The following ATF2 variants were observed in gnomAD, a reference collection of about 807,000 sequenced individuals.
ATF2 encodes cyclic AMP-dependent transcription factor ATF-2.
Under a neutral mutation model 60.6 loss-of-function variants are expected in ATF2, and 24 were observed. The ratio of observed to expected loss-of-function variants is 0.40; its 90% CI spans 0.29 to 0.56. The LOEUF is 0.56. ATF2 is among the 20% of genes least tolerant of loss of function. The probability of loss-of-function intolerance (pLI) is 0.54; values close to 1 mark genes in which losing one functional copy is unlikely to be tolerated. For synonymous variants in ATF2, 206 were observed against 215.4 expected (o/e 0.96, Z 0.38); for missense variants, 433 against 607.7 (o/e 0.71, Z 3.02).
intron 2 of ATF2, among the ~76,000 whole-genome samples, chr2:175,147,735 C>A (rs1191650294): frequency 6.6e-6 from 1 of 152,006 alleles, no homozygotes; most frequent in Non-Finnish European, 1.5e-5. Flanking sequence ...ATAGTCCCTG[C>A]CCTTAAAATC....
intron 12 of ATF2, among the ~76,000 whole-genome samples, chr2:175,084,971 G>C (rs1381360468): frequency 6.6e-6 from 1 of 152,074 alleles, no homozygotes; most frequent in Non-Finnish European, 1.5e-5. Context: ...AAATGAAAAA[G>C]CTTAAATAAT....
intron 12 of ATF2, among the ~76,000 whole-genome samples, chr2:175,089,809 A>G (rs1324415515): frequency 6.6e-6 from 1 of 152,090 alleles, no homozygotes; most frequent in Non-Finnish European, 1.5e-5. Flanking sequence ...TTCCCAAACC[A>G]TCCATGCTCT....
At chr2:175,143,499 G>A (rs1698740045) in intron 2 of ATF2, among the ~76,000 whole-genome samples, 1 of 152,026 alleles carries the variant, frequency 6.6e-6, no homozygotes, top group African/African-American at 2.4e-5. Flanking sequence ...AATTCCACAA[G>A]ATGAACTTCT....
chr2:175,112,655 G>GCTAA (rs1345653597), intron 9 of ATF2, among the ~76,000 whole-genome samples: 9 of 152,150 alleles, frequency 5.9e-5, no homozygotes, highest in Non-Finnish European at 1.3e-4. Context: ...TGCAATCTCG[G>GCTAA]CTAACTACAG....
At chr2:175,100,338 T>C (rs1177123963) in intron 10 of ATF2, among the ~76,000 whole-genome samples, 1 of 152,244 alleles carries the variant, frequency 6.6e-6, no homozygotes, top group Non-Finnish European at 1.5e-5. Flanking sequence ...GAGGCCTCTA[T>C]TTTCTTAGCA....
Position 175,075,579 on chromosome 2 carries a change from T to C in ATF2, c.1292-744A>G, listed in dbSNP as rs185756134. 2.6e-5 allele frequency among the ~76,000 whole-genome samples: 4 copies of C among 152,286 alleles called. No homozygotes were observed. The East Asian group carries it at 7.7e-4, about 29-fold the overall frequency. Reference sequence around the variant, plus strand: ...CAAGTCTCTTACATCCTTATTTTAATAGAACAGAATCCAGTAATTTCATTT... The same window carrying C: ...CAAGTCTCTTACATCCTTATTTTAACAGAACAGAATCCAGTAATTTCATTT... On this transcript the variant is annotated intron_variant, in intron 13 of 13. Transcript: ENST00000264110.
intron 4 of ATF2, among the ~76,000 whole-genome samples, chr2:175,125,878 T>C (rs1697293265): frequency 6.6e-6 from 1 of 152,146 alleles, no homozygotes; most frequent in South Asian, 2.1e-4. Flanking sequence ...ACCCCACTCC[T>C]GCAATGGTCC....
In ATF2 at chr2:175,072,669, CCTT is replaced by C. The variant is rs1188062821; in HGVS notation, c.*1937_*1939del. 6.6e-6 allele frequency: 1 copy of C among 152,014 alleles called. No individual in the cohort carries two copies. Among genetic ancestry groups the C allele is most frequent in the Non-Finnish European group, 1.5e-5 (1 of 67,988 alleles). The allele number at this position is 152,014 out of a possible 1,614,324, so 9.4% of individuals were successfully genotyped here. On this transcript the variant is annotated 3_prime_UTR_variant, in exon 14 of 14. Coordinates refer to ENST00000264110, the MANE Select transcript of ATF2 (RefSeq NM_001880.4). ...CCATTCAAACTACAATAAAAAATAG[CCTT>C]CTTGCAGAATTCATATTTTGTGCCT...
chr2:175,118,864 G>T (rs780999382), intron 5 of ATF2, among the ~76,000 whole-genome samples: 3 of 151,294 alleles, frequency 2.0e-5, no homozygotes, highest in Non-Finnish European at 4.4e-5. Flanking sequence ...TAAAAATATT[G>T]TAAGAAAGAA....
At chr2:175,099,124 A>G in intron 10 of ATF2, among the ~76,000 whole-genome samples, 1 of 144,190 alleles carries the variant, frequency 6.9e-6, no homozygotes, top group African/African-American at 2.6e-5. Flanking sequence ...TTTTTTTTCA[A>G]GAGGGAGTCT....
intron 10 of ATF2, among the ~76,000 whole-genome samples, chr2:175,109,398 T>G (rs1696012436): frequency 1.3e-5 from 2 of 152,126 alleles, no homozygotes; most frequent in Non-Finnish European, 2.9e-5. Flanking sequence ...AAGTGGCTAT[T>G]TATATGAAAT....
rs552056053 is a variant in ATF2, at chr2:175,122,534, C to T, written c.103-994G>A. On this transcript the variant is annotated intron_variant, in intron 4 of 13. Transcript: ENST00000264110. ...TCTCCTTCCCCTACCCAATTCACTACATCCTTTCATGCAACTAATAATAGT... is the reference window on the plus strand; with the variant it reads ...TCTCCTTCCCCTACCCAATTCACTATATCCTTTCATGCAACTAATAATAGT... Among the ~76,000 whole-genome samples the T allele has an allele frequency of 3.9e-5, 6 of 152,136 alleles. No individual in the cohort carries two copies. In the South Asian group the frequency reaches 1.0e-3, roughly 26 times the overall value.
intron 3 of ATF2, among the ~76,000 whole-genome samples, chr2:175,135,258 G>A (rs943246834): frequency 1.3e-5 from 2 of 152,254 alleles, no homozygotes; most frequent in African/African-American, 4.8e-5. Flanking sequence ...CAGGCTGACA[G>A]CATCTGAATT....
At chr2:175,092,445 C>T in intron 12 of ATF2, 1 of 172,368 alleles carries the variant, frequency 5.8e-6, no homozygotes. Context: ...TCGGTGCTGC[C>T]TTAAAACTTT....
chr2:175,152,169 C>A (rs1402311304), intron 1 of ATF2, among the ~76,000 whole-genome samples: 2 of 152,022 alleles, frequency 1.3e-5, no homozygotes, highest in African/African-American at 2.4e-5. Flanking sequence ...TGTAAGATGT[C>A]CAGATACCTC....
At chr2:175,167,993 C>T (rs548766609) in intron 1 of ATF2, 57 bp downstream of exon 1, 3 of 328,452 alleles carry the variant, frequency 9.1e-6, no homozygotes, top group Non-Finnish European at 1.8e-5. Flanking sequence ...TTAGCGCCTT[C>T]TTTCTCCGTA....
intron 3 of ATF2, among the ~76,000 whole-genome samples, chr2:175,130,608 A>G (rs1462343840): frequency 6.6e-6 from 1 of 152,180 alleles, no homozygotes; most frequent in Non-Finnish European, 1.5e-5. Flanking sequence ...TTCTAGTGGA[A>G]TATTTGTATC....
chr2:175,110,318 G>C (rs916075490), intron 10 of ATF2, among the ~76,000 whole-genome samples: 3 of 132,646 alleles, frequency 2.3e-5, no homozygotes, highest in African/African-American at 3.4e-5. Flanking sequence ...CTGGGTGAGA[G>C]AGCGAGACTC....
chr2:175,148,826 C>T (rs1699118055), intron 2 of ATF2, among the ~76,000 whole-genome samples: 1 of 152,054 alleles, frequency 6.6e-6, no homozygotes, highest in South Asian at 2.1e-4. Context: ...TCTTTGAATC[C>T]TATGAACTGG....
Sources: allele counts gnomAD v4.1 joint callset (sites outside exome capture counted in the v4.1 genomes callset), GRCh38; gene constraint gnomAD v4.1.1; transcripts MANE v1.5; gene names NCBI Gene and HGNC (gene_info 2026-07-23, HGNC 2026-07-21).